Variants in NCAM2 observed in about 807,000 individuals in gnomAD.
NCAM2 encodes the protein neural cell adhesion molecule 2, also known as N-CAM-2.
In NCAM2, 30 loss-of-function variants were observed where a neutral mutation model predicts 98.1. The ratio of observed to expected loss-of-function variants is 0.31; its 90% confidence interval spans 0.23 to 0.41. The LOEUF (loss-of-function observed/expected upper bound fraction) is 0.41, where lower values mean the gene tolerates loss of function less well. Among genes scored for constraint, NCAM2 ranks in the 10% least tolerant of loss-of-function variants. NCAM2 has a pLI of 1.00. For synonymous variants in NCAM2, 368 were observed against 342.4 expected, an observed-to-expected ratio of 1.07 and a Z score of -0.83; for missense variants, 867 against 1,005.8, an observed-to-expected ratio of 0.86 and a Z score of 1.87.
chr21:21,288,602 A>G (rs2073184152), intron 4 of NCAM2, among the ~76,000 whole-genome samples: 1 of 151,952 alleles, frequency 6.6e-6, no homozygotes, highest in Non-Finnish European at 1.5e-5. Context: ...TAACCTTGAA[A>G]TAGTGTAGAA....
chr21:21,003,138 A>G (rs1342693492), intron 1 of NCAM2, among the ~76,000 whole-genome samples: 1 of 152,122 alleles, frequency 6.6e-6, no homozygotes, highest in Non-Finnish European at 1.5e-5. Flanking sequence ...CATATTTCCT[A>G]GTTTTCTATG....
At chr21:21,210,962 CCCCAAACACA>C (rs2069631165) in intron 1 of NCAM2, among the ~76,000 whole-genome samples, 1 of 119,694 alleles carries the variant, frequency 8.4e-6, no homozygotes, top group African/African-American at 3.8e-5. Context: ...CTAATACTCT[CCCCAAACACA>C]CACACACACA....
intron 8 of NCAM2, among the ~76,000 whole-genome samples, chr21:21,370,417 A>T (rs575353836): frequency 6.6e-6 from 1 of 151,918 alleles, no homozygotes; most frequent in Admixed American, 6.6e-5. Flanking sequence ...AAATGTTTCA[A>T]ACATCTTATT....
chr21:21,351,321 C>G (rs1373874498), intron 8 of NCAM2, among the ~76,000 whole-genome samples: 1 of 151,930 alleles, frequency 6.6e-6, no homozygotes, highest in African/African-American at 2.4e-5. Flanking sequence ...AGTAGTAGGG[C>G]TATCCAAAAA....
chr21:21,064,547 G>T (rs2065392422), intron 1 of NCAM2, among the ~76,000 whole-genome samples: 1 of 152,146 alleles, frequency 6.6e-6, no homozygotes, highest in African/African-American at 2.4e-5. Flanking sequence ...GTGGTCACCA[G>T]CTAGGTTAGT....
intron 1 of NCAM2, among the ~76,000 whole-genome samples, chr21:21,219,024 T>TGAGC (rs1367627352): frequency 6.6e-6 from 1 of 152,222 alleles, no homozygotes; most frequent in East Asian, 1.9e-4. Flanking sequence ...GCCTGGGCGA[T>TGAGC]GAGCGTGAAA....
chr21:21,338,825 A>G (rs1362477263), intron 8 of NCAM2, among the ~76,000 whole-genome samples: 8 of 152,158 alleles, frequency 5.3e-5, no homozygotes, highest in Non-Finnish European at 4.4e-5. Flanking sequence ...TCTATAAAGT[A>G]TGTTATTGCA....
intron 1 of NCAM2, among the ~76,000 whole-genome samples, chr21:21,076,777 C>T (rs2065689840): frequency 6.6e-6 from 1 of 152,170 alleles, no homozygotes; most frequent in African/African-American, 2.4e-5. Flanking sequence ...TTTTTGGCTT[C>T]AGCTGGTCTT....
At chr21:21,074,769 C>T (rs1179700683) in intron 1 of NCAM2, among the ~76,000 whole-genome samples, 3 of 152,126 alleles carry the variant, frequency 2.0e-5, no homozygotes. Context: ...TTAATAAAAT[C>T]AAATTAGATT....
chr21:21,027,391 G>GGT (rs2064572992), intron 1 of NCAM2, among the ~76,000 whole-genome samples: 1 of 152,112 alleles, frequency 6.6e-6, no homozygotes, highest in Admixed American at 6.5e-5. Flanking sequence ...ATAAAACACT[G>GGT]TCTTTTCCTG....
At chr21:21,510,421 C>G (rs765573142) in intron 16 of NCAM2, among the ~76,000 whole-genome samples, 34 of 152,082 alleles carry the variant, frequency 2.2e-4, no homozygotes, top group Non-Finnish European at 4.3e-4. Context: ...TTTGGAACTT[C>G]ACATAAATGG....
At chr21:21,378,011 A>T (rs889721502) in intron 9 of NCAM2, among the ~76,000 whole-genome samples, 9 of 151,954 alleles carry the variant, frequency 5.9e-5, no homozygotes, top group African/African-American at 2.2e-4. Flanking sequence ...AAATGACAAG[A>T]TTTATCATTT....
chr21:21,362,735 A>AT (rs1273084038), intron 8 of NCAM2, among the ~76,000 whole-genome samples: 5 of 152,174 alleles, frequency 3.3e-5, no homozygotes, highest in Non-Finnish European at 7.4e-5. Context: ...GTTTCTAATT[A>AT]TTTTTTGTAT....
chr21:21,388,422 T>G (rs772371907), intron 9 of NCAM2, among the ~76,000 whole-genome samples: 11 of 152,156 alleles, frequency 7.2e-5, no homozygotes, highest in Non-Finnish European at 1.3e-4. Flanking sequence ...AAGGGCAGAT[T>G]ATTCAAGCAA....
At chr21:21,205,644 A>G (rs2069410236) in intron 1 of NCAM2, among the ~76,000 whole-genome samples, 1 of 152,098 alleles carries the variant, frequency 6.6e-6, no homozygotes, top group South Asian at 2.1e-4. Flanking sequence ...ATTTTTTTTA[A>G]GGAAAAACTT....
intron 1 of NCAM2, among the ~76,000 whole-genome samples, chr21:21,117,669 C>T (rs952023162): frequency 2.6e-5 from 4 of 152,108 alleles, no homozygotes; most frequent in African/African-American, 9.7e-5. Flanking sequence ...AGATTCTACT[C>T]TTTCATTATT....
At chr21:21,410,210 C>T in intron 9 of NCAM2, 64 bp from the exon 10 acceptor site, 1 of 839,570 alleles carries the variant, frequency 1.2e-6, no homozygotes, top group Non-Finnish European at 1.7e-6. Context: ...AATGCTTATA[C>T]TACTTAAATG....
chr21:21,450,829 CACACAT>C (rs1335101117), intron 12 of NCAM2, among the ~76,000 whole-genome samples: 73 of 130,946 alleles, frequency 5.6e-4, no homozygotes, highest in African/African-American at 1.7e-3. Flanking sequence ...CACACACACA[CACACAT>C]ATCTCCTGTC....
At chr21:21,391,519 C>A (rs2076379604) in intron 9 of NCAM2, among the ~76,000 whole-genome samples, 1 of 151,892 alleles carries the variant, frequency 6.6e-6, no homozygotes, top group African/African-American at 2.4e-5. Context: ...AACATTAAAA[C>A]AATAATGATC....
Sources: gnomAD v4.1 joint callset for allele counts (sites outside exome capture counted in the v4.1 genomes callset) on GRCh38, gnomAD v4.1.1 for gene constraint, MANE v1.5 for transcripts, NCBI Gene and HGNC (gene_info 2026-07-23, HGNC 2026-07-21) for gene names.